The following FRAS1 variants were observed in gnomAD, a reference collection of about 807,000 sequenced individuals.
FRAS1 encodes the protein Fraser extracellular matrix complex subunit 1, also known as extracellular matrix organizing protein FRAS1.
In FRAS1, 290 loss-of-function variants were observed where a neutral mutation model predicts 435.2. The ratio of observed to expected loss-of-function variants is 0.67; its 90% confidence interval spans 0.61 to 0.73. FRAS1 has a LOEUF of 0.73. Ranked by LOEUF, FRAS1 falls within the 30% of genes least tolerant of loss-of-function variation. The probability of loss-of-function intolerance (pLI) is 0.00; values close to 1 mark genes in which losing one functional copy is unlikely to be tolerated. For synonymous variants in FRAS1, 1,800 were observed against 1,851.0 expected, an observed-to-expected ratio of 0.97 and a Z score of 0.71; for missense variants, 4,860 against 5,001.5, an observed-to-expected ratio of 0.97 and a Z score of 0.85.
At chr4:78,464,716 A>G in intron 49 of FRAS1, 133 bp downstream of exon 49, 2 of 934,874 alleles carry the variant, frequency 2.1e-6, no homozygotes, top group East Asian at 5.3e-5. Flanking sequence ...TGAAGGATTA[A>G]AATACAGAAG....
At chr4:78,097,798 C>T (rs550979272) in intron 2 of FRAS1, among the ~76,000 whole-genome samples, 1 of 152,144 alleles carries the variant, frequency 6.6e-6, no homozygotes, top group African/African-American at 2.4e-5. Flanking sequence ...AAAGTCCTAA[C>T]CTTAGTACTT....
intron 4 of FRAS1, among the ~76,000 whole-genome samples, chr4:78,249,782 C>T (rs769853083): frequency 3.3e-4 from 50 of 152,102 alleles, no homozygotes; most frequent in African/African-American, 5.3e-4. Flanking sequence ...TACAGATGAA[C>T]GACAACTTTG....
chr4:78,284,001 G>A (rs1727455900), intron 12 of FRAS1, among the ~76,000 whole-genome samples: 1 of 152,078 alleles, frequency 6.6e-6, no homozygotes, highest in African/African-American at 2.4e-5. Flanking sequence ...CAACATTGTG[G>A]GTTTTATGTC....
At chr4:78,253,260 ATGGT>A (rs1275072617) in intron 5 of FRAS1, among the ~76,000 whole-genome samples, 1 of 152,160 alleles carries the variant, frequency 6.6e-6, no homozygotes, top group Admixed American at 6.5e-5. Context: ...GTCAGACCTT[ATGGT>A]TACCTTCCCT....
intron 60 of FRAS1, among the ~76,000 whole-genome samples, chr4:78,499,361 C>T (rs889021283): frequency 6.6e-6 from 1 of 152,148 alleles, no homozygotes; most frequent in Non-Finnish European, 1.5e-5. Context: ...CTAGGGCCTA[C>T]TATGTCTCAG....
chr4:78,339,033 T>G (rs985402658), intron 20 of FRAS1, among the ~76,000 whole-genome samples: 5 of 152,194 alleles, frequency 3.3e-5, no homozygotes, highest in Non-Finnish European at 7.3e-5. Context: ...CAACAAAAAG[T>G]GGAAATTCAG....
intron 2 of FRAS1, among the ~76,000 whole-genome samples, chr4:78,115,204 A>T (rs28767244): frequency 0.27 from 40,050 of 148,090 alleles, 5,801 homozygotes; most frequent in African/African-American, 0.35. Context: ...GGATACGCTT[A>T]TTGATGTGCT....
chr4:78,439,221 G>GT (rs1483229781), intron 40 of FRAS1, among the ~76,000 whole-genome samples, 157 bp downstream of exon 40: 1 of 152,086 alleles, frequency 6.6e-6, no homozygotes, highest in Non-Finnish European at 1.5e-5. Context: ...AATCATGAGT[G>GT]TTTTTTTAAG....
Position 78,540,767 on chromosome 4 carries a change from G to A in FRAS1, c.11682G>A (p.Ala3894=), listed in dbSNP as rs376389151. 2.3e-4 allele frequency: 367 copies of A among 1,613,734 alleles called. No homozygotes were observed. The highest frequency in any genetic ancestry group is 9.9e-4 in the Middle Eastern group (6 of 6,060). ...TGAATCTGGAGATGCAAGAGTTGGC[G>A]GTAGCTGCGTCCCTGTCACAGACTG... is the stretch of plus-strand genomic sequence containing the variant. ...KSLNLEMQEL[A]VAASLSQTGA... Residue 3894 remains alanine, a synonymous_variant, in exon 74 of 74, where the codon GCG becomes GCA. Coordinates refer to ENST00000512123, the MANE Select transcript of FRAS1 (RefSeq NM_025074.7).
Position 78,534,567 on chromosome 4 carries a change from T to C in FRAS1, c.11044T>C (p.Ser3682Pro). 1 of 1,613,548 alleles carries C rather than the reference T, an allele frequency of 6.2e-7. No homozygotes were observed. The highest frequency in any genetic ancestry group is 8.5e-7 in the Non-Finnish European group (1 of 1,179,584). The change falls in exon 71 of 74, where the codon TCT (serine) becomes CCT (proline). Residue 3682 changes from serine (S) to proline (P), a missense_variant. By Grantham distance (74) the Ser-to-Pro change is moderately conservative (BLOSUM62 -1). Coordinates refer to ENST00000512123, the MANE Select transcript of FRAS1 (RefSeq NM_025074.7). ...EKVFLMDPNT[S>P]DMSLAEMDYK... The stretch of plus-strand genomic sequence containing the variant: ...GGTGTTCCTAATGGATCCCAATACA[T>C]CTGATATGTCACTAGCAGAAATGGA...
chr4:78,379,345 G>T, intron 26 of FRAS1: 1 of 193,396 alleles, frequency 5.2e-6, no homozygotes, highest in South Asian at 1.2e-4. Context: ...CTTTAGTTTG[G>T]CATGGAATTA....
At chr4:78,123,163 A>G (rs1203354984) in intron 2 of FRAS1, among the ~76,000 whole-genome samples, 1 of 152,170 alleles carries the variant, frequency 6.6e-6, no homozygotes, top group Non-Finnish European at 1.5e-5. Flanking sequence ...ATAAGGTGTA[A>G]GGAAAGGGTC....
At chr4:78,370,380 G>GT (rs1731456312) in intron 23 of FRAS1, among the ~76,000 whole-genome samples, 1 of 152,066 alleles carries the variant, frequency 6.6e-6, no homozygotes, top group African/African-American at 2.4e-5. Flanking sequence ...AAGTGTTGTT[G>GT]GTTTTTTCTT....
chr4:78,520,985 C>T (rs1250619271), intron 67 of FRAS1, among the ~76,000 whole-genome samples: 1 of 152,040 alleles, frequency 6.6e-6, no homozygotes, highest in Non-Finnish European at 1.5e-5. Context: ...TGGTTTTGTT[C>T]TTTCTGAACT....
In FRAS1 at chr4:78,317,415, T is replaced by C. The variant is rs1560650709; in HGVS notation, c.1867T>C (p.Cys623Arg). 7 of 1,613,980 alleles carry C rather than the reference T, an allele frequency of 4.3e-6. No homozygotes were observed. Among genetic ancestry groups the C allele is most frequent in the Non-Finnish European group, 5.9e-6 (7 of 1,179,890 alleles). The change falls in exon 17 of 74, where the codon TGT becomes CGT. Residue 623 changes from cysteine (C) to arginine (R), a missense_variant. Cys to Arg is a radical substitution (Grantham distance 180). Transcript: ENST00000512123. ...ASCSGPTPSHCTACSPPKALR... is the reference protein window; with the variant it reads ...ASCSGPTPSHRTACSPPKALR... The stretch of plus-strand genomic sequence containing the variant: ...CTGCTCTGGGCCCACACCCTCTCAC[T>C]GTACAGCCTGCAGCCCCCCCAAGGC...
intron 1 of FRAS1, among the ~76,000 whole-genome samples, chr4:78,065,567 G>A (rs1026589117): frequency 6.6e-6 from 1 of 152,078 alleles, no homozygotes; most frequent in African/African-American, 2.4e-5. Context: ...ATTGAGACAT[G>A]TAAATATATT....
intron 2 of FRAS1, among the ~76,000 whole-genome samples, chr4:78,220,373 A>G (rs1724001522): frequency 6.6e-6 from 1 of 152,192 alleles, no homozygotes; most frequent in African/African-American, 2.4e-5. Context: ...GTAAAGGTTT[A>G]TTGGAACATA....
intron 2 of FRAS1, among the ~76,000 whole-genome samples, chr4:78,128,719 A>G (rs78940358): frequency 0.22 from 32,835 of 151,798 alleles, 3,865 homozygotes; most frequent in Admixed American, 0.29. Flanking sequence ...GTTCGCTCTG[A>G]TGGTAGTTTC....
intron 10 of FRAS1, among the ~76,000 whole-genome samples, chr4:78,279,594 G>A (rs1244417247): frequency 6.6e-6 from 1 of 152,120 alleles, no homozygotes; most frequent in Admixed American, 6.5e-5. Flanking sequence ...ACTGGATTTT[G>A]TTTGATTAGA....
Sources: gnomAD v4.1 joint callset for allele counts (sites outside exome capture counted in the v4.1 genomes callset) on GRCh38, gnomAD v4.1.1 for gene constraint, MANE v1.5 for transcripts, NCBI Gene and HGNC (gene_info 2026-07-23, HGNC 2026-07-21) for gene names.